The following SPOCK1 variants were observed in gnomAD, a reference collection of about 807,000 sequenced individuals.
The protein encoded by SPOCK1 is SPARC (osteonectin), cwcv and kazal like domains proteoglycan 1.
In SPOCK1, 23 loss-of-function variants were observed where a neutral mutation model predicts 55.3. The observed-to-expected ratio is 0.42, with a 90% CI of 0.30 to 0.59. The LOEUF (loss-of-function observed/expected upper bound fraction) is 0.59. SPOCK1 is among the 20% of genes least tolerant of loss of function. SPOCK1 has a pLI of 0.22. For synonymous variants in SPOCK1, 226 were observed against 221.0 expected, an observed-to-expected ratio of 1.02 and a Z score of -0.20; for missense variants, 499 against 552.5, an observed-to-expected ratio of 0.90 and a Z score of 0.97.
chr5:137,424,117 C>T (rs1654942674), intron 2 of SPOCK1, among the ~76,000 whole-genome samples: 1 of 152,078 alleles, frequency 6.6e-6, no homozygotes, highest in Non-Finnish European at 1.5e-5. Context: ...TGGTGGCGCA[C>T]ACCTGTAATC....
At chr5:137,208,083 T>C (rs1036416172) in intron 3 of SPOCK1, among the ~76,000 whole-genome samples, 5 of 152,108 alleles carry the variant, frequency 3.3e-5, no homozygotes, top group African/African-American at 1.2e-4. Context: ...ACTCCCAAAA[T>C]AATCCCAATT....
chr5:137,353,552 G>A (rs1561512802), intron 2 of SPOCK1, among the ~76,000 whole-genome samples: 1 of 152,072 alleles, frequency 6.6e-6, no homozygotes, highest in Non-Finnish European at 1.5e-5. Flanking sequence ...AGAAACAAAT[G>A]TCTCTGCTCA....
chr5:137,204,527 T>C (rs1755486259), intron 3 of SPOCK1, among the ~76,000 whole-genome samples: 1 of 151,646 alleles, frequency 6.6e-6, no homozygotes, highest in Non-Finnish European at 1.5e-5. Flanking sequence ...TAAATTCACC[T>C]CATTTCTCTC....
At chr5:137,284,869 G>A (rs1408830398) in intron 2 of SPOCK1, among the ~76,000 whole-genome samples, 3 of 152,164 alleles carry the variant, frequency 2.0e-5, no homozygotes, top group Non-Finnish European at 4.4e-5. Context: ...GGGAACAGCT[G>A]GTCCCAAACC....
At position 137,118,469 on chromosome 5, in the gene SPOCK1, C is replaced by A. The variant is rs184973716; in HGVS notation, c.348-5908G>T. On this transcript the variant is annotated intron_variant, in intron 4 of 10. Transcript: ENST00000394945. Reference sequence around the variant, plus strand: ...CAGGACCCCACTAAGATATCCCCACCCTCACCAACCCATACCCTGTGACCT... The same window carrying A: ...CAGGACCCCACTAAGATATCCCCACACTCACCAACCCATACCCTGTGACCT... 1.3e-3 allele frequency among the ~76,000 whole-genome samples: 194 copies of A among 152,062 alleles called. 1 individual carries two copies. Among genetic ancestry groups the A allele is most frequent in the African/African-American group, 4.2e-3 (172 of 41,338 alleles).
intron 5 of SPOCK1, among the ~76,000 whole-genome samples, chr5:137,106,684 A>G (rs1036941177): frequency 3.9e-5 from 6 of 152,260 alleles, no homozygotes; most frequent in Non-Finnish European, 7.4e-5. Context: ...GGCTTCTCAC[A>G]GTCACCCTGC....
chr5:137,197,010 A>C (rs1288777475), intron 3 of SPOCK1, among the ~76,000 whole-genome samples: 1 of 152,232 alleles, frequency 6.6e-6, no homozygotes, highest in African/African-American at 2.4e-5. Flanking sequence ...ATCCAGGCAA[A>C]GAGGTTGACC....
chr5:136,988,650 A>G lies in SPOCK1; in HGVS notation c.707-7T>C, dbSNP rs975254078. ...AGGATGCTAGTGTCAAACCCTGCCA[A>G]ACAAAAGGCATATCTCAGCTGCCAC... On this transcript the variant is annotated splice_region_variant and splice_polypyrimidine_tract_variant and intron_variant, in intron 7 of 10. Coordinates refer to ENST00000394945, the MANE Select transcript of SPOCK1 (RefSeq NM_004598.4). 9 of 1,608,302 alleles carry G rather than the reference A, an allele frequency of 5.6e-6. No homozygotes were observed. The African/African-American group carries it at 1.2e-4, about 21-fold the overall frequency.
intron 6 of SPOCK1, among the ~76,000 whole-genome samples, chr5:137,028,865 G>A (rs969366237): frequency 5.9e-5 from 9 of 152,138 alleles, no homozygotes; most frequent in African/African-American, 2.2e-4. Flanking sequence ...AAGAAAATGA[G>A]AGCTTGAGAG....
At chr5:137,093,018 C>T (rs1295534241) in intron 5 of SPOCK1, among the ~76,000 whole-genome samples, 1 of 152,086 alleles carries the variant, frequency 6.6e-6, no homozygotes, top group African/African-American at 2.4e-5. Context: ...AGTTCCCCTC[C>T]CATGATGACT....
chr5:137,431,898 A>G (rs1207337486), intron 2 of SPOCK1, among the ~76,000 whole-genome samples: 1 of 152,218 alleles, frequency 6.6e-6, no homozygotes, highest in Non-Finnish European at 1.5e-5. Flanking sequence ...ATTCTATCAC[A>G]GCAACACAAA....
At chr5:137,420,533 T>C (rs988171911) in intron 2 of SPOCK1, among the ~76,000 whole-genome samples, 5 of 152,220 alleles carry the variant, frequency 3.3e-5, no homozygotes, top group Non-Finnish European at 7.3e-5. Flanking sequence ...TGGGAGTTTG[T>C]ATGTGTCTAG....
At chr5:137,032,839 C>A (rs539888965) in intron 6 of SPOCK1, among the ~76,000 whole-genome samples, 1 of 152,120 alleles carries the variant, frequency 6.6e-6, no homozygotes, top group African/African-American at 2.4e-5. Flanking sequence ...CAGGAGAGAC[C>A]CTAATGGACT....
chr5:137,103,649 C>T lies in SPOCK1; in HGVS notation c.474+8786G>A, dbSNP rs147836660. On this transcript the variant is annotated intron_variant, in intron 5 of 10. Transcript: ENST00000394945. ...AGGAGCAAGAGATAAAATGTAATCC[C>T]GTTATAAGCCTCTGTTTAATTTGGG... Among the ~76,000 whole-genome samples, 1,488 of 152,292 alleles carry T rather than the reference C, an allele frequency of 9.8e-3. 11 individuals carry two copies. Among genetic ancestry groups the T allele is most frequent in the Non-Finnish European group, 0.017 (1,157 of 68,022 alleles).
chr5:137,060,099 T>G (rs1240986587), intron 6 of SPOCK1, among the ~76,000 whole-genome samples: 1 of 152,232 alleles, frequency 6.6e-6, no homozygotes, highest in Non-Finnish European at 1.5e-5. Flanking sequence ...CATTATTGGG[T>G]ATTTACCCAA....
At chr5:137,304,715 T>C (rs1262966736) in intron 2 of SPOCK1, among the ~76,000 whole-genome samples, 1 of 152,164 alleles carries the variant, frequency 6.6e-6, no homozygotes, top group Non-Finnish European at 1.5e-5. Flanking sequence ...GTGGCCCATG[T>C]ACCATGTGAA....
chr5:137,180,950 C>A (rs1192400193), intron 3 of SPOCK1, among the ~76,000 whole-genome samples: 1 of 152,124 alleles, frequency 6.6e-6, no homozygotes, highest in East Asian at 1.9e-4. Flanking sequence ...ATCTTACACA[C>A]ATATCATGAG....
chr5:137,077,572 C>T (rs1348733043), intron 5 of SPOCK1, among the ~76,000 whole-genome samples: 1 of 152,256 alleles, frequency 6.6e-6, no homozygotes, highest in Non-Finnish European at 1.5e-5. Context: ...AGCTGATCAG[C>T]TCACAGACCT....
At chr5:136,980,949 T>TA in intron 9 of SPOCK1, among the ~76,000 whole-genome samples, 1 of 152,184 alleles carries the variant, frequency 6.6e-6, no homozygotes, top group South Asian at 2.1e-4. Context: ...GATTTTGGTT[T>TA]TGATTTACCT....
Sources: gnomAD v4.1 joint callset for allele counts (sites outside exome capture counted in the v4.1 genomes callset) on GRCh38, gnomAD v4.1.1 for gene constraint, MANE v1.5 for transcripts, NCBI Gene and HGNC (gene_info 2026-07-23, HGNC 2026-07-21) for gene names.